The following TEKT3 variants were observed in gnomAD, a reference collection of about 807,000 sequenced individuals.
TEKT3 encodes tektin-3.
In TEKT3, 49 loss-of-function variants were observed where a neutral mutation model predicts 49.8. The observed-to-expected ratio is 0.98, with a 90% CI of 0.78 to 1.25. The LOEUF (loss-of-function observed/expected upper bound fraction) is 1.25. Ranked by LOEUF, TEKT3 falls within the 50% of genes most tolerant of loss-of-function variation. The pLI, the probability that TEKT3 is intolerant of heterozygous loss-of-function variation, is 0.00. For missense variants in TEKT3, 595 were observed against 629.5 expected (o/e 0.95, Z 0.59); for synonymous variants, 225 against 237.2 (o/e 0.95, Z 0.47).
chr17:15,331,606 A>G lies in TEKT3; in HGVS notation c.-21T>C, dbSNP rs1234884774. ...TCCATGATGCCAAAACACTATTTGT[A>G]AATCTCTCCTGTTAAAAAATAAAAA... On this transcript the variant is annotated 5_prime_UTR_variant, in exon 3 of 9. Transcript: ENST00000395930. 1.3e-6 allele frequency: 2 copies of G among 1,580,954 alleles called. No individual in the cohort carries two copies. The highest frequency in any genetic ancestry group is 1.7e-6 in the Non-Finnish European group (2 of 1,162,360).
In TEKT3 at chr17:15,314,167, C is replaced by T. The variant is rs559365716; in HGVS notation, c.798G>A (p.Arg266=). The part of the protein sequence containing the change: ...KDLSDKQTAY[R]IDDKCHHLRN... ...GCAGGTGGTGGCATTTGTCGTCGAT[C>T]CGGTAAGCCGTCTGTTTGTCACTCA... Residue 266 remains arginine (R), a synonymous_variant, in exon 6 of 9, where the codon CGG becomes CGA. Coordinates refer to ENST00000395930, the MANE Select transcript of TEKT3 (RefSeq NM_031898.3). 4 of 1,614,218 alleles carry T rather than the reference C, an allele frequency of 2.5e-6. No homozygotes were observed. The South Asian group carries it at 4.4e-5, about 18-fold the overall frequency.
intron 2 of TEKT3, among the ~76,000 whole-genome samples, chr17:15,332,536 T>C (rs186173424): frequency 6.6e-6 from 1 of 152,264 alleles, no homozygotes; most frequent in East Asian, 1.9e-4. Context: ...CCACAAGTCA[T>C]CCTAAATAAA....
At chr17:15,337,871 T>C (rs895737894) in intron 2 of TEKT3, among the ~76,000 whole-genome samples, 5 of 151,722 alleles carry the variant, frequency 3.3e-5, no homozygotes, top group Non-Finnish European at 7.4e-5. Context: ...TAAATAAAAG[T>C]ATGAGAAAAG....
At chr17:15,316,885 C>A (rs1299165002) in intron 5 of TEKT3, among the ~76,000 whole-genome samples, 1 of 152,126 alleles carries the variant, frequency 6.6e-6, no homozygotes, top group Non-Finnish European at 1.5e-5. Flanking sequence ...CTGATCTGGC[C>A]TCGGAGTCTG....
rs992002466 is a variant in TEKT3 at position 15,304,897 on chromosome 17, C to T, written c.1257-745G>A. On this transcript the variant is annotated intron_variant, in intron 8 of 8. Coordinates refer to ENST00000395930, the MANE Select transcript of TEKT3 (RefSeq NM_031898.3). This position sits in a 1 kb window ranked among gnomAD's most constrained non-coding sequence, Gnocchi z 4.7. ...TCTTCCGGAAGTCCCTCCCTTAAAC[C>T]GGAAACCATCTGCTGCCCAGTGTTG... Among the ~76,000 whole-genome samples the T allele has an allele frequency of 3.9e-5, 6 of 152,154 alleles. No homozygotes were observed. Among genetic ancestry groups the T allele is most frequent in the South Asian group, 4.1e-4 (2 of 4,826 alleles).
intron 5 of TEKT3, among the ~76,000 whole-genome samples, chr17:15,316,291 C>T (rs1234279714): frequency 1.3e-5 from 2 of 152,190 alleles, no homozygotes; most frequent in South Asian, 2.1e-4. Flanking sequence ...TCTATTGTTA[C>T]AGTTCACCTC....
rs1313718379 is a variant in TEKT3, at chr17:15,312,395, CTT to C, written c.963_964del (p.Asp323ArgfsTer3). On this transcript the variant is annotated frameshift_variant, in exon 7 of 9. Transcript: ENST00000395930. LOFTEE classifies it high-confidence loss of function. ...AACCAAGAGGTTTTCAATGTCGTCT[CTT>C]AGCTTAGCGGAAGCTGCCCGTTCAC... 2 of 1,614,102 alleles carry C rather than the reference CTT, an allele frequency of 1.2e-6. No homozygotes were observed. The highest frequency in any genetic ancestry group is 1.7e-6 in the Non-Finnish European group (2 of 1,180,052).
chr17:15,319,906 C>A (rs759188930), intron 4 of TEKT3, among the ~76,000 whole-genome samples: 5 of 152,120 alleles, frequency 3.3e-5, no homozygotes, highest in Non-Finnish European at 7.4e-5. Context: ...ATTTTCTCAG[C>A]CAAAAAGTTG....
intron 8 of TEKT3, among the ~76,000 whole-genome samples, chr17:15,308,428 G>A (rs540156660): frequency 1.3e-5 from 2 of 152,298 alleles, no homozygotes; most frequent in African/African-American, 4.8e-5. Flanking sequence ...GTACAGATCA[G>A]TGGCATTAAG....
chr17:15,307,704 C>T (rs945738984), intron 8 of TEKT3, among the ~76,000 whole-genome samples: 2 of 152,140 alleles, frequency 1.3e-5, no homozygotes, highest in Admixed American at 6.5e-5. Flanking sequence ...GGAAGCAGAG[C>T]GAGTGGCATC....
chr17:15,304,295 T>G lies in TEKT3; in HGVS notation c.1257-143A>C. On this transcript the variant is annotated intron_variant, in intron 8 of 8. Coordinates refer to ENST00000395930, the MANE Select transcript of TEKT3 (RefSeq NM_031898.3). The surrounding 1 kb of genome is among the most constrained non-coding windows in gnomAD (Gnocchi z 4.7). The stretch of plus-strand genomic sequence containing the variant: ...TCAGCAAATGAGAGGTGCATGAAAT[T>G]AATAAAATATAAAGAAATATAAAGA... The G allele has an allele frequency of 1.4e-6, 1 of 730,242 alleles. No homozygotes were observed. Among genetic ancestry groups the G allele is most frequent in the Non-Finnish European group, 2.2e-6 (1 of 450,492 alleles). 45.2% of individuals were successfully genotyped at this position (730,242 alleles called of 1,614,324 possible).
chr17:15,317,350 A>C (rs1911054138), intron 5 of TEKT3, among the ~76,000 whole-genome samples: 1 of 152,248 alleles, frequency 6.6e-6, no homozygotes, highest in South Asian at 2.1e-4. Context: ...GATGGGCAGC[A>C]GATTCCAGAC....
At chr17:15,308,565 T>A in intron 8 of TEKT3, 99 bp downstream of exon 8, 1 of 1,476,358 alleles carries the variant, frequency 6.8e-7, no homozygotes, top group Non-Finnish European at 9.2e-7. Context: ...GGCTCCTACA[T>A]GCTGCGTATG....
At chr17:15,339,474 C>T (rs1912136159) in intron 2 of TEKT3, among the ~76,000 whole-genome samples, 1 of 152,148 alleles carries the variant, frequency 6.6e-6, no homozygotes, top group Non-Finnish European at 1.5e-5. Flanking sequence ...GAAAAAAATG[C>T]TACAATAGTC....
At chr17:15,325,863 A>C (rs914188500) in intron 4 of TEKT3, among the ~76,000 whole-genome samples, 5 of 152,200 alleles carry the variant, frequency 3.3e-5, no homozygotes, top group African/African-American at 1.2e-4. Context: ...AAGGCTTGTG[A>C]GATTCATCAA....
Position 15,304,115 on chromosome 17 carries a change from G to C in TEKT3, c.1294C>G (p.Gln432Glu). The C allele has an allele frequency of 6.2e-7, 1 of 1,614,164 alleles. No individual in the cohort carries two copies. The highest frequency in any genetic ancestry group is 1.1e-5 in the South Asian group (1 of 91,086). Reference sequence around the variant, plus strand: ...TCCCTCAGGCGCTGCTGCAGGGTCTGGATGGTGTCGTCAACCTCGTGTACC... The same window carrying C: ...TCCCTCAGGCGCTGCTGCAGGGTCTCGATGGTGTCGTCAACCTCGTGTACC... The part of the protein sequence containing the change: ...NEVHEVDDTI[Q>E]TLQQRLRDAE... Residue 432 changes from glutamine (Q) to glutamate (E), a missense_variant, in exon 9 of 9, where the codon CAG (glutamine) becomes GAG (glutamate). Gln to Glu is a conservative substitution (Grantham distance 29, BLOSUM62 2). Transcript: ENST00000395930. The surrounding 1 kb of genome is among the most constrained non-coding windows in gnomAD (Gnocchi z 4.7).
At chr17:15,320,731 A>G (rs1028672792) in intron 4 of TEKT3, among the ~76,000 whole-genome samples, 1 of 152,158 alleles carries the variant, frequency 6.6e-6, no homozygotes, top group Admixed American at 6.5e-5. Context: ...CAAGCAGGCA[A>G]GATTTCCCAG....
Position 15,331,210 on chromosome 17 carries a change from G to A in TEKT3, c.376C>T (p.Arg126Cys), listed in dbSNP as rs200461036. ...NSEKLRVDTSRLIQDKYQQTR... is the reference protein window; with the variant it reads ...NSEKLRVDTSCLIQDKYQQTR... ...TGTTGATATTTGTCTTGAATCAGGC[G>A]AGATGTATCCACTCTTAGTTTCTCC... The change falls in exon 3 of 9, where the codon CGC (arginine) becomes TGC (cysteine). Residue 126 changes from arginine to cysteine, a missense_variant. Coordinates refer to ENST00000395930, the MANE Select transcript of TEKT3 (RefSeq NM_031898.3). The A allele has an allele frequency of 1.4e-4, 231 of 1,614,180 alleles. No individual in the cohort carries two copies. The highest frequency in any genetic ancestry group is 1.7e-4 in the Non-Finnish European group (205 of 1,180,046).
chr17:15,331,839 C>T (rs1020655651), intron 2 of TEKT3, among the ~76,000 whole-genome samples: 2 of 151,770 alleles, frequency 1.3e-5, no homozygotes, highest in South Asian at 4.2e-4. Context: ...TTTTTATTGG[C>T]CATTTGGACT....
Sources: allele counts gnomAD v4.1 joint callset (sites outside exome capture counted in the v4.1 genomes callset), GRCh38; gene constraint gnomAD v4.1.1; non-coding constraint Gnocchi (gnomAD v3.1); transcripts MANE v1.5; gene names NCBI Gene and HGNC (gene_info 2026-07-23, HGNC 2026-07-21).